Variants in PCDHA8 observed in about 807,000 individuals in gnomAD.
The protein encoded by PCDHA8 is protocadherin alpha 8, also known as protocadherin alpha-8.
In PCDHA8, 53 loss-of-function variants were observed where a neutral mutation model predicts 61.8. The ratio of observed to expected loss-of-function variants is 0.86; its 90% CI spans 0.69 to 1.08. The LOEUF is 1.08. Ranked by LOEUF, PCDHA8 falls within the 50% of genes least tolerant of loss-of-function variation. The pLI, the probability that PCDHA8 is intolerant of heterozygous loss-of-function variation, is 0.00. For synonymous variants in PCDHA8, 618 were observed against 556.6 expected (o/e 1.11, Z -1.55); for missense variants, 1,293 against 1,245.0 (o/e 1.04, Z -0.58).
At chr5:140,884,439 C>T (rs1554181562) in intron 1 of PCDHA8, 1 of 1,613,818 alleles carries the variant, frequency 6.2e-7, no homozygotes, top group Non-Finnish European at 8.5e-7. Flanking sequence ...CTGCGGTGCT[C>T]GGCACCGCCC....
intron 1 of PCDHA8, chr5:140,856,072 G>A: frequency 6.3e-7 from 1 of 1,592,122 alleles, no homozygotes; most frequent in Non-Finnish European, 8.6e-7. Flanking sequence ...GTAGCTGCCT[G>A]GGGGTCCAGT....
intron 1 of PCDHA8, among the ~76,000 whole-genome samples, chr5:140,915,100 CACA>C (rs2076984171): frequency 6.6e-6 from 1 of 151,988 alleles, no homozygotes; most frequent in African/African-American, 2.4e-5. Context: ...CACGCACCAC[CACA>C]ACACCCACCT....
intron 1 of PCDHA8, chr5:140,884,170 G>A (rs1333457358): frequency 1.4e-5 from 23 of 1,613,294 alleles, no homozygotes; most frequent in Non-Finnish European, 1.9e-5. Flanking sequence ...TCAGCACGAC[G>A]CGCCCTCTGG....
rs1554262648 is a variant in PCDHA8, at chr5:141,010,047, A to G, written c.*110A>G. On this transcript the variant is annotated 3_prime_UTR_variant, in exon 4 of 4. Coordinates refer to ENST00000531613, the MANE Select transcript of PCDHA8 (RefSeq NM_018911.3). The stretch of plus-strand genomic sequence containing the variant: ...CCTATCTACATGAGCCCTCTTAGAG[A>G]CCTCAGAAATCTGCAGAAAGTTCCC... 1.9e-6 allele frequency: 3 copies of G among 1,595,144 alleles called. No homozygotes were observed. The highest frequency in any genetic ancestry group is 1.7e-6 in the Non-Finnish European group (2 of 1,171,458).
intron 1 of PCDHA8, chr5:140,857,395 C>T (rs1554149953): frequency 6.3e-7 from 1 of 1,598,586 alleles, no homozygotes; most frequent in South Asian, 1.1e-5. Context: ...ACGTGAACGA[C>T]AACGCGCCTG....
At chr5:140,997,481 A>G (rs1563624223) in intron 3 of PCDHA8, among the ~76,000 whole-genome samples, 1 of 152,224 alleles carries the variant, frequency 6.6e-6, no homozygotes, top group Non-Finnish European at 1.5e-5. Flanking sequence ...ACACAATGAT[A>G]AGTATTTGTG....
At chr5:140,954,237 A>G (rs1442141242) in intron 1 of PCDHA8, among the ~76,000 whole-genome samples, 14 of 152,338 alleles carry the variant, frequency 9.2e-5, no homozygotes, top group Middle Eastern at 3.4e-3. Flanking sequence ...TAGTGCTGCA[A>G]TGAACATACA....
chr5:140,934,858 CTT>C (rs1462067711), intron 1 of PCDHA8, among the ~76,000 whole-genome samples: 1 of 152,136 alleles, frequency 6.6e-6, no homozygotes, highest in African/African-American at 2.4e-5. Flanking sequence ...GCTCCTGAGT[CTT>C]TGTGAGTGTG....
intron 1 of PCDHA8, chr5:140,857,205 G>A: frequency 6.3e-7 from 1 of 1,598,596 alleles, no homozygotes; most frequent in African/African-American, 1.3e-5. Flanking sequence ...CAGGTCACCT[G>A]CTCTCTGACG....
chr5:140,995,764 G>C (rs2097697128), intron 3 of PCDHA8, among the ~76,000 whole-genome samples: 1 of 152,134 alleles, frequency 6.6e-6, no homozygotes, highest in Non-Finnish European at 1.5e-5. Flanking sequence ...AGAAAATGTG[G>C]AGAGTGAAGG....
At chr5:140,942,950 T>G (rs1461424409) in intron 1 of PCDHA8, among the ~76,000 whole-genome samples, 1 of 151,716 alleles carries the variant, frequency 6.6e-6, no homozygotes, top group Non-Finnish European at 1.5e-5. Context: ...AGTGTAGACG[T>G]TCTGTTATCA....
intron 1 of PCDHA8, chr5:140,876,741 G>C: frequency 6.2e-7 from 1 of 1,614,264 alleles, no homozygotes; most frequent in Non-Finnish European, 8.5e-7. Flanking sequence ...CCTATGAGCT[G>C]GTGGTGACTG....
chr5:140,901,356 T>C (rs1554189806), intron 1 of PCDHA8, among the ~76,000 whole-genome samples: 1 of 152,232 alleles, frequency 6.6e-6, no homozygotes, highest in Non-Finnish European at 1.5e-5. Context: ...GTCTTAGATT[T>C]AAGTCTTTAA....
intron 1 of PCDHA8, among the ~76,000 whole-genome samples, chr5:140,925,768 G>A (rs1018599372): frequency 6.6e-6 from 1 of 151,870 alleles, no homozygotes; most frequent in Admixed American, 6.6e-5. Flanking sequence ...TAGTTTCCTG[G>A]TCAAACTCTA....
chr5:140,927,236 T>G, intron 1 of PCDHA8: 1 of 1,614,120 alleles, frequency 6.2e-7, no homozygotes, highest in Non-Finnish European at 8.5e-7. Context: ...ATTCACGTCC[T>G]GGACACCAAT....
intron 1 of PCDHA8, chr5:140,871,014 C>T (rs1554164974): frequency 1.2e-6 from 2 of 1,613,178 alleles, no homozygotes; most frequent in Admixed American, 1.7e-5. Flanking sequence ...GTGCCCTGGA[C>T]GAGGCAGACT....
At chr5:140,962,170 C>T (rs1326323755) in intron 1 of PCDHA8, among the ~76,000 whole-genome samples, 6 of 152,194 alleles carry the variant, frequency 3.9e-5, no homozygotes, top group South Asian at 4.1e-4. Context: ...CCACCACACC[C>T]GGCCACTTAT....
At chr5:141,004,637 A>G (rs149340406) in intron 3 of PCDHA8, among the ~76,000 whole-genome samples, 1,579 of 152,220 alleles carry the variant, frequency 0.01, 12 homozygotes, top group Middle Eastern at 0.058. Flanking sequence ...TTGAAGAAAA[A>G]TTTCCATTTT....
At position 140,850,499 on chromosome 5, in the gene PCDHA8, G is replaced by T. The variant is rs2150486529; in HGVS notation, c.2394+6784G>T. 2.5e-6 allele frequency: 4 copies of T among 1,598,170 alleles called. No individual in the cohort carries two copies. The East Asian group carries it at 8.9e-5, about 36-fold the overall frequency. ...CGGCCACGGCCACTGTGCTGGTGTCGCTGGTGGAGAGCGGCCAGGCGCCAA... is the reference window on the plus strand; with the variant it reads ...CGGCCACGGCCACTGTGCTGGTGTCTCTGGTGGAGAGCGGCCAGGCGCCAA... On this transcript the variant is annotated intron_variant, in intron 1 of 3. Transcript: ENST00000531613.
Sources: allele counts gnomAD v4.1 joint callset (sites outside exome capture counted in the v4.1 genomes callset), GRCh38; gene constraint gnomAD v4.1.1; transcripts MANE v1.5; gene names NCBI Gene and HGNC (gene_info 2026-07-23, HGNC 2026-07-21).